Variants in ERI3 observed in about 807,000 individuals in gnomAD.
ERI3 encodes ERI1 exoribonuclease family member 3.
A neutral mutation model predicts 44.4 loss-of-function variants in ERI3; 18 were observed. The ratio of observed to expected loss-of-function variants is 0.41; its 90% CI spans 0.28 to 0.60. ERI3 has a LOEUF of 0.60. Ranked by LOEUF, ERI3 falls within the 20% of genes least tolerant of loss-of-function variation. The probability of loss-of-function intolerance (pLI) is 0.36; values close to 1 mark genes in which losing one functional copy is unlikely to be tolerated. For missense variants in ERI3, 294 were observed against 435.5 expected (o/e 0.68, Z 2.89); for synonymous variants, 183 against 164.8 (o/e 1.11, Z -0.84).
intron 7 of ERI3, among the ~76,000 whole-genome samples, chr1:44,278,655 G>A (rs1272063813): frequency 6.6e-6 from 1 of 152,064 alleles, no homozygotes; most frequent in Non-Finnish European, 1.5e-5. Flanking sequence ...GGAGTGCTGT[G>A]GCACAATCTC....
At chr1:44,222,537 G>T (rs1212540939) in intron 8 of ERI3, among the ~76,000 whole-genome samples, 1 of 152,188 alleles carries the variant, frequency 6.6e-6, no homozygotes, top group Non-Finnish European at 1.5e-5. Flanking sequence ...GAGGCTGGAG[G>T]ATCAGGCCTC....
At chr1:44,322,374 G>A (rs1158852426) in intron 3 of ERI3, among the ~76,000 whole-genome samples, 1 of 150,780 alleles carries the variant, frequency 6.6e-6, no homozygotes. Context: ...AGCCAGACTC[G>A]GATCCACGCA....
At chr1:44,259,447 G>GAC (rs943970997) in intron 7 of ERI3, among the ~76,000 whole-genome samples, 1 of 152,080 alleles carries the variant, frequency 6.6e-6, no homozygotes, top group African/African-American at 2.4e-5. Flanking sequence ...GCCCATGCAG[G>GAC]ACCTCAAAGG....
intron 6 of ERI3, among the ~76,000 whole-genome samples, chr1:44,302,049 G>A (rs1194631320): frequency 6.6e-6 from 1 of 152,176 alleles, no homozygotes; most frequent in East Asian, 1.9e-4. Flanking sequence ...AGAGCTGGAG[G>A]GTGGGCTTTC....
At chr1:44,225,233 G>A (rs1010336461) in intron 8 of ERI3, among the ~76,000 whole-genome samples, 4 of 152,122 alleles carry the variant, frequency 2.6e-5, no homozygotes, top group Admixed American at 2.6e-4. Flanking sequence ...CCACAATAGA[G>A]GCCTCCAAGA....
chr1:44,331,608 G>A (rs914997870), intron 3 of ERI3, among the ~76,000 whole-genome samples: 1 of 152,198 alleles, frequency 6.6e-6, no homozygotes, highest in Admixed American at 6.5e-5. Flanking sequence ...GTGAGAAACA[G>A]CGTAAAACTG....
At chr1:44,333,614 G>A (rs1000378971) in intron 3 of ERI3, among the ~76,000 whole-genome samples, 4 of 152,230 alleles carry the variant, frequency 2.6e-5, no homozygotes, top group Non-Finnish European at 5.9e-5. Context: ...AGCACGTGGG[G>A]TTAAGAGGAT....
At chr1:44,309,928 T>C (rs1385372725) in intron 5 of ERI3, among the ~76,000 whole-genome samples, 1 of 152,140 alleles carries the variant, frequency 6.6e-6, no homozygotes, top group East Asian at 1.9e-4. Flanking sequence ...GTCAGACACA[T>C]CTGGATTCCA....
chr1:44,234,512 A>C (rs1644260128), intron 8 of ERI3, among the ~76,000 whole-genome samples: 2 of 151,056 alleles, frequency 1.3e-5, no homozygotes, highest in South Asian at 4.2e-4. Flanking sequence ...AAATACAAAA[A>C]ATTAGCTGGG....
chr1:44,295,624 T>A (rs1041223359), intron 6 of ERI3, among the ~76,000 whole-genome samples: 2 of 152,182 alleles, frequency 1.3e-5, no homozygotes, highest in African/African-American at 4.8e-5. Context: ...GGAGGGTAAC[T>A]GATATTTACT....
At chr1:44,262,982 C>T (rs932207834) in intron 7 of ERI3, among the ~76,000 whole-genome samples, 3 of 152,136 alleles carry the variant, frequency 2.0e-5, no homozygotes, top group Non-Finnish European at 2.9e-5. Context: ...TTTGCCCAGT[C>T]ACATTTCCAC....
chr1:44,290,871 T>G (rs1167236224), intron 6 of ERI3, among the ~76,000 whole-genome samples: 1 of 152,088 alleles, frequency 6.6e-6, no homozygotes, highest in African/African-American at 2.4e-5. Flanking sequence ...ATCATTACAC[T>G]GTGGCATCGA....
At chr1:44,318,489 C>T (rs778721676) in intron 4 of ERI3, among the ~76,000 whole-genome samples, 1 of 152,230 alleles carries the variant, frequency 6.6e-6, no homozygotes, top group Non-Finnish European at 1.5e-5. Context: ...AAGGCGAAAA[C>T]CAGAACCCAA....
At chr1:44,226,962 G>A (rs1477098397) in intron 8 of ERI3, among the ~76,000 whole-genome samples, 1 of 151,988 alleles carries the variant, frequency 6.6e-6, no homozygotes, top group Admixed American at 6.6e-5. Flanking sequence ...ACCATTGATT[G>A]AACTGTCAAC....
chr1:44,276,276 C>T (rs891565122), intron 7 of ERI3, among the ~76,000 whole-genome samples: 1 of 152,222 alleles, frequency 6.6e-6, no homozygotes, highest in Non-Finnish European at 1.5e-5. Flanking sequence ...CATAACACCA[C>T]CCTATCAGGC....
chr1:44,258,022 C>T (rs1644814420), intron 7 of ERI3, among the ~76,000 whole-genome samples: 1 of 152,154 alleles, frequency 6.6e-6, no homozygotes, highest in Non-Finnish European at 1.5e-5. Context: ...GACCCTGTCT[C>T]TCCCACCCCC....
At chr1:44,333,362 C>A (rs72891788) in intron 3 of ERI3, among the ~76,000 whole-genome samples, 10,964 of 152,272 alleles carry the variant, frequency 0.072, 1,317 homozygotes, top group African/African-American at 0.25. Context: ...TACATGCTGA[C>A]TGGGGCCACA....
intron 8 of ERI3, among the ~76,000 whole-genome samples, chr1:44,233,079 T>C (rs1371899004): frequency 6.6e-6 from 1 of 152,140 alleles, no homozygotes; most frequent in Non-Finnish European, 1.5e-5. Flanking sequence ...CTGGAGCGTA[T>C]GACTAGAGAA....
Position 44,228,549 on chromosome 1 carries a change from C to T in ERI3, c.932-6909G>A, listed in dbSNP as rs377001701. On this transcript the variant is annotated intron_variant, in intron 8 of 8. Coordinates refer to ENST00000372257, the MANE Select transcript of ERI3 (RefSeq NM_024066.3). This position sits in a 1 kb window ranked among gnomAD's most constrained non-coding sequence, Gnocchi z 4.3. ...AAATCCTCATAAAGTGTTTATTAAG[C>T]GCTGGTAAAGCTGGGATAATGATGT... Among the ~76,000 whole-genome samples the T allele has an allele frequency of 4.6e-5, 7 of 152,282 alleles. No individual in the cohort carries two copies. The East Asian group carries it at 9.6e-4, about 21-fold the overall frequency.
Sources: allele counts gnomAD v4.1 joint callset (sites outside exome capture counted in the v4.1 genomes callset), GRCh38; gene constraint gnomAD v4.1.1; non-coding constraint Gnocchi (gnomAD v3.1); transcripts MANE v1.5; gene names NCBI Gene and HGNC (gene_info 2026-07-23, HGNC 2026-07-21).